The following TENM3 variants were observed in gnomAD, a reference collection of about 807,000 sequenced individuals.
TENM3 encodes the protein teneurin transmembrane protein 3, also known as teneurin-3.
TENM3 carries 63 observed loss-of-function variants against 255.1 expected under a neutral mutation model. The ratio of observed to expected loss-of-function variants is 0.25; its 90% CI spans 0.20 to 0.30. The LOEUF (loss-of-function observed/expected upper bound fraction) is 0.30, where lower values mean the gene tolerates loss of function less well. Among genes scored for constraint, TENM3 ranks in the 10% least tolerant of loss-of-function variants. The pLI is 1.00. For missense variants in TENM3, 2,929 were observed against 3,461.1 expected, an observed-to-expected ratio of 0.85 and a Z score of 3.86; for synonymous variants, 1,306 against 1,322.3, an observed-to-expected ratio of 0.99 and a Z score of 0.27.
intron 3 of TENM3, among the ~76,000 whole-genome samples, chr4:182,508,060 T>C (rs560872778): frequency 3.5e-4 from 53 of 152,288 alleles, no homozygotes; most frequent in African/African-American, 1.2e-3. Context: ...ACTAACTGGG[T>C]GGACTGAAAC....
chr4:182,305,809 T>A (rs17073036), intron 1 of TENM3, among the ~76,000 whole-genome samples: 30,910 of 152,182 alleles, frequency 0.2, 3,323 homozygotes, highest in Middle Eastern at 0.24. Context: ...TGGTGCTTAC[T>A]TCACAGAAGC....
the TENM3 span, among the ~76,000 whole-genome samples, chr4:181,657,007 C>G: frequency 6.6e-6 from 1 of 152,246 alleles, no homozygotes; most frequent in African/African-American, 2.4e-5. Flanking sequence ...GTTCTTCAAG[C>G]TCACCCAGTG....
intron 1 of TENM3, among the ~76,000 whole-genome samples, chr4:182,148,361 T>C (rs1241437179): frequency 6.6e-6 from 1 of 152,148 alleles, no homozygotes; most frequent in African/African-American, 2.4e-5. Flanking sequence ...TTCAAAAGAT[T>C]GCTTCTCATA....
chr4:181,965,269 T>A, the TENM3 span, among the ~76,000 whole-genome samples: 5 of 152,198 alleles, frequency 3.3e-5, no homozygotes, highest in Non-Finnish European at 2.9e-5. Flanking sequence ...GTCTTTCTGC[T>A]TCTCCCTATG....
At chr4:182,282,517 A>G (rs1760452966) in intron 1 of TENM3, among the ~76,000 whole-genome samples, 2 of 152,206 alleles carry the variant, frequency 1.3e-5, no homozygotes, top group South Asian at 4.1e-4. Flanking sequence ...AGTGAAAGTA[A>G]GTGCGGAGTA....
At chr4:181,979,097 CATATATATATATATATATATATATATAT>C in the TENM3 span, among the ~76,000 whole-genome samples, 926 of 30,386 alleles carry the variant, frequency 0.03, 33 homozygotes, top group Middle Eastern at 0.056. Context: ...TTAAGCCTGA[CATATATATATATATATATATATATATAT>C]ATATATATAT....
the TENM3 span, among the ~76,000 whole-genome samples, chr4:182,092,120 A>T: frequency 6.6e-6 from 1 of 151,192 alleles, no homozygotes; most frequent in Non-Finnish European, 1.5e-5. Flanking sequence ...CGGGTGGATC[A>T]CTCGAGGTCA....
chr4:182,260,785 C>G (rs1758729401), intron 1 of TENM3, among the ~76,000 whole-genome samples: 1 of 152,264 alleles, frequency 6.6e-6, no homozygotes, highest in East Asian at 1.9e-4. Flanking sequence ...ATACTGACAA[C>G]TATGAAAAAT....
Position 182,407,022 on chromosome 4 carries a change from G to A in TENM3, c.511+60093G>A, listed in dbSNP as rs143378889. ...TGTTTGCTCTCATTCCCTATGAACC[G>A]ATTAGAATTATAAAGAGGTGATTTG... On this transcript the variant is annotated intron_variant, in intron 3 of 27. Transcript: ENST00000511685. Among the ~76,000 whole-genome samples, 914 of 152,274 alleles carry A rather than the reference G, an allele frequency of 6.0e-3. 10 individuals carry two copies. Among genetic ancestry groups the A allele is most frequent in the African/African-American group, 0.021 (860 of 41,564 alleles).
intron 1 of TENM3, among the ~76,000 whole-genome samples, chr4:182,196,656 G>T (rs1355020307): frequency 1.3e-5 from 2 of 152,188 alleles, no homozygotes; most frequent in African/African-American, 4.8e-5. Flanking sequence ...GAGGACCTGT[G>T]CCCTGGTTCT....
chr4:182,103,763 A>G, the TENM3 span, among the ~76,000 whole-genome samples: 1 of 152,350 alleles, frequency 6.6e-6, no homozygotes, highest in Admixed American at 6.5e-5. Context: ...CATTATAATA[A>G]TGGTTATAAG....
At chr4:181,622,500 A>G in the TENM3 span, among the ~76,000 whole-genome samples, 3 of 152,002 alleles carry the variant, frequency 2.0e-5, no homozygotes, top group Non-Finnish European at 1.5e-5. Context: ...ACTTGGTGAA[A>G]CCCTGTCTCT....
the TENM3 span, among the ~76,000 whole-genome samples, chr4:182,123,550 A>G: frequency 2.0e-5 from 3 of 152,196 alleles, no homozygotes; most frequent in African/African-American, 7.2e-5. Context: ...GGAAGCAGCC[A>G]ATCAGTGGAG....
chr4:182,468,071 T>C (rs1482843797), intron 3 of TENM3, among the ~76,000 whole-genome samples: 2 of 152,174 alleles, frequency 1.3e-5, no homozygotes, highest in African/African-American at 4.8e-5. Flanking sequence ...GCATTACATT[T>C]ATGAAAACCT....
At chr4:182,114,378 G>T in the TENM3 span, among the ~76,000 whole-genome samples, 1 of 151,252 alleles carries the variant, frequency 6.6e-6, no homozygotes, top group South Asian at 2.1e-4. Context: ...TAATCCCCTC[G>T]CTTTTTCTCC....
chr4:182,719,510 C>T (rs1206829687), intron 13 of TENM3, among the ~76,000 whole-genome samples: 2 of 151,864 alleles, frequency 1.3e-5, no homozygotes, highest in Non-Finnish European at 2.9e-5. Context: ...CCGCCCCCCT[C>T]GGCCTCCCAA....
At chr4:182,712,688 G>C (rs1256972162) in intron 12 of TENM3, among the ~76,000 whole-genome samples, 1 of 152,130 alleles carries the variant, frequency 6.6e-6, no homozygotes, top group African/African-American at 2.4e-5. Context: ...CCACAGTGGA[G>C]GAGGGGACAC....
the TENM3 span, among the ~76,000 whole-genome samples, chr4:181,886,595 G>A: frequency 6.6e-6 from 1 of 152,028 alleles, no homozygotes; most frequent in African/African-American, 2.4e-5. Flanking sequence ...TATTATATAT[G>A]ATACAAATCA....
chr4:182,608,453 T>G (rs1560995987), intron 4 of TENM3, among the ~76,000 whole-genome samples: 2 of 152,134 alleles, frequency 1.3e-5, no homozygotes, highest in Non-Finnish European at 1.5e-5. Flanking sequence ...TAGCATTTAT[T>G]TATTTGTCTA....
Sources: gnomAD v4.1 joint callset for allele counts (sites outside exome capture counted in the v4.1 genomes callset) on GRCh38, gnomAD v4.1.1 for gene constraint, MANE v1.5 for transcripts, NCBI Gene and HGNC (gene_info 2026-07-23, HGNC 2026-07-21) for gene names.